The following MKRN2OS variants were observed in gnomAD, a reference collection of about 807,000 sequenced individuals.
The protein encoded by MKRN2OS is MKRN2 opposite strand.
MKRN2OS carries 17 observed loss-of-function variants against 18.2 expected under a neutral mutation model. The observed-to-expected ratio is 0.93, with a 90% CI of 0.64 to 1.40. The LOEUF is 1.40. Among genes scored for constraint, MKRN2OS ranks in the 40% most tolerant of loss-of-function variants. The pLI is 0.00. For missense variants in MKRN2OS, 337 were observed against 283.0 expected (o/e 1.19, Z -1.37); for synonymous variants, 121 against 108.5 (o/e 1.12, Z -0.72).
chr3:12,540,066 T>G lies in MKRN2OS; in HGVS notation c.*127A>C. 7.3e-7 allele frequency: 1 copy of G among 1,363,662 alleles called. No homozygotes were observed. Among genetic ancestry groups the G allele is most frequent in the Non-Finnish European group, 9.9e-7 (1 of 1,011,240 alleles). The allele number at this position is 1,363,662 out of a possible 1,614,324, so 84.5% of individuals were successfully genotyped here. A position where few individuals can be genotyped will look rare whatever the true frequency, so the allele number is the denominator to read the frequency against. On this transcript the variant is annotated 3_prime_UTR_variant, in exon 4 of 4. Coordinates refer to ENST00000564146, the MANE Select transcript of MKRN2OS (RefSeq NM_001195279.2). ...TCCCAAAGTGCTGGGATTACAGGTG[T>G]GAGCCACCATGCCCGGCCCATACAC...
intron 1 of MKRN2OS, among the ~76,000 whole-genome samples, chr3:12,558,884 A>G (rs529118760): frequency 6.6e-6 from 1 of 152,284 alleles, no homozygotes; most frequent in East Asian, 1.9e-4. Context: ...TGTAGTGTAT[A>G]ATCCAGCAAC....
At chr3:12,544,612 G>A (rs188748772) in intron 1 of MKRN2OS, among the ~76,000 whole-genome samples, 43 of 152,026 alleles carry the variant, frequency 2.8e-4, no homozygotes, top group African/African-American at 9.4e-4. Context: ...AACCCGGGAG[G>A]TGGAGGTTGC....
chr3:12,551,192 A>G (rs535054199), downstream of MKRN2OS, among the ~76,000 whole-genome samples: 1 of 120,562 alleles, frequency 8.3e-6, no homozygotes, highest in East Asian at 2.0e-4. Context: ...ATTACACTTT[A>G]TTAAAAAAAA....
intron 1 of MKRN2OS, among the ~76,000 whole-genome samples, chr3:12,558,418 C>T (rs1185699219): frequency 6.6e-6 from 1 of 152,154 alleles, no homozygotes; most frequent in Non-Finnish European, 1.5e-5. Context: ...GGTCATTGTG[C>T]ACTGTAAAGC....
downstream of MKRN2OS, among the ~76,000 whole-genome samples, chr3:12,552,946 G>C (rs1049173566): frequency 3.3e-5 from 5 of 150,908 alleles, no homozygotes; most frequent in African/African-American, 1.2e-4. Context: ...AAACCAGGAG[G>C]TGGAGGTTGC....
At chr3:12,560,705 T>A (rs955634282) in intron 1 of MKRN2OS, 1 of 152,256 alleles carries the variant, frequency 6.6e-6, no homozygotes, top group Non-Finnish European at 1.5e-5. Flanking sequence ...AACAGTCTTT[T>A]GGGTTTACCC....
At chr3:12,557,306 G>C (rs1037540135) in intron 1 of MKRN2OS, 37 of 1,273,462 alleles carry the variant, frequency 2.9e-5, no homozygotes, top group Non-Finnish European at 3.8e-5. Flanking sequence ...TGTTCGCGGC[G>C]GGGCTTTGCG....
chr3:12,543,109 C>A, intron 2 of MKRN2OS, 71 bp downstream of exon 2: 1 of 1,293,332 alleles, frequency 7.7e-7, no homozygotes, highest in South Asian at 1.3e-5. Flanking sequence ...TTGCCATAAT[C>A]AAATCTCCAC....
chr3:12,560,960 A>G (rs1029981827), exon 1 of MKRN2OS: 3 of 152,218 alleles, frequency 2.0e-5, no homozygotes, highest in African/African-American at 4.8e-5. Context: ...GAGTGACTAT[A>G]AGCACATGAC....
At chr3:12,553,703 T>C (rs910269076), downstream of MKRN2OS, 1 of 152,098 alleles carries the variant, frequency 6.6e-6, no homozygotes, top group African/African-American at 2.4e-5. Flanking sequence ...AAATAAAAGA[T>C]ACAAAGATGA....
intron 1 of MKRN2OS, 51 bp downstream of exon 1, chr3:12,545,192 AAAAC>A (rs1331439328): frequency 3.6e-6 from 5 of 1,372,112 alleles, no homozygotes; most frequent in Non-Finnish European, 4.9e-6. Context: ...TTTAGTGACT[AAAAC>A]AGAAGGAAAA....
intron 1 of MKRN2OS, among the ~76,000 whole-genome samples, chr3:12,559,849 C>T (rs2058021928): frequency 6.6e-6 from 1 of 152,194 alleles, no homozygotes; most frequent in South Asian, 2.1e-4. Flanking sequence ...TCACCTTCTC[C>T]TCTTGTGATA....
At position 12,539,977 on chromosome 3, in the gene MKRN2OS, GT is replaced by G. The variant is rs1575499088; in HGVS notation, c.*215del. On this transcript the variant is annotated 3_prime_UTR_variant, in exon 4 of 4. Transcript: ENST00000564146. ...ATTTTATATTTTTAGTAAGGACGGG[GT>G]TTCTCCATGTTGGTCAGGCTGGTCT... The G allele has an allele frequency of 1.8e-6, 1 of 570,554 alleles. No homozygotes were observed. The highest frequency in any genetic ancestry group is 3.1e-6 in the Non-Finnish European group (1 of 326,328). 35.3% of individuals were successfully genotyped at this position (570,554 alleles called of 1,614,324 possible).
chr3:12,557,581 A>G (rs948815389), intron 1 of MKRN2OS, among the ~76,000 whole-genome samples: 4 of 152,276 alleles, frequency 2.6e-5, no homozygotes, highest in African/African-American at 9.6e-5. Flanking sequence ...ACATAGGAGT[A>G]ATTTGTTAAT....
chr3:12,543,717 C>T (rs555903883), intron 1 of MKRN2OS, among the ~76,000 whole-genome samples: 110 of 152,088 alleles, frequency 7.2e-4, no homozygotes, highest in Non-Finnish European at 1.4e-3. Flanking sequence ...GAAACCTCGT[C>T]TCTACTAAAA....
intron 1 of MKRN2OS, chr3:12,557,052 T>TGCGCCGGCGG: frequency 3.1e-5 from 24 of 772,964 alleles, no homozygotes; most frequent in Non-Finnish European, 3.7e-5. Context: ...TGCGCCGGCG[T>TGCGCCGGCGG]GACGCGGCTA....
chr3:12,551,069 CCT>C (rs2057925944), downstream of MKRN2OS, among the ~76,000 whole-genome samples: 1 of 152,108 alleles, frequency 6.6e-6, no homozygotes, highest in African/African-American at 2.4e-5. Flanking sequence ...AAATCCTGCC[CCT>C]GTCTCCTTTG....
chr3:12,548,974 G>A (rs747545819), upstream of MKRN2OS, among the ~76,000 whole-genome samples: 31 of 151,786 alleles, frequency 2.0e-4, no homozygotes, highest in Non-Finnish European at 3.2e-4. Flanking sequence ...TCACTCTGTC[G>A]CCTAGGCTGG....
chr3:12,551,879 G>T (rs543269768), downstream of MKRN2OS, among the ~76,000 whole-genome samples: 1 of 152,138 alleles, frequency 6.6e-6, no homozygotes, highest in African/African-American at 2.4e-5. Context: ...GGGAGGTGGA[G>T]GTTGCAGAGT....
Sources: gnomAD v4.1 joint callset for allele counts (sites outside exome capture counted in the v4.1 genomes callset) on GRCh38, gnomAD v4.1.1 for gene constraint, MANE v1.5 for transcripts, NCBI Gene and HGNC (gene_info 2026-07-23, HGNC 2026-07-21) for gene names.